Variants in PDGFC observed in about 807,000 individuals in gnomAD.
PDGFC encodes the protein platelet derived growth factor C.
PDGFC carries 12 observed loss-of-function variants against 35.5 expected under a neutral mutation model. That is an observed-to-expected ratio of 0.34 (90% CI 0.22 to 0.55). The LOEUF (loss-of-function observed/expected upper bound fraction) is 0.55, where lower values mean the gene tolerates loss of function less well. PDGFC is among the 20% of genes least tolerant of loss of function. The probability of loss-of-function intolerance (pLI) is 0.91; values close to 1 mark genes in which losing one functional copy is unlikely to be tolerated. For missense variants in PDGFC, 322 were observed against 412.4 expected (o/e 0.78, Z 1.90); for synonymous variants, 159 against 148.8 (o/e 1.07, Z -0.50).
At chr4:156,953,506 G>A (rs1156921876) in intron 1 of PDGFC, among the ~76,000 whole-genome samples, 2 of 151,778 alleles carry the variant, frequency 1.3e-5, no homozygotes, top group South Asian at 2.1e-4. Flanking sequence ...AGTGCATGAC[G>A]ATGTTACTAT....
At chr4:156,927,643 C>T (rs1731445886) in intron 1 of PDGFC, among the ~76,000 whole-genome samples, 1 of 152,142 alleles carries the variant, frequency 6.6e-6, no homozygotes. Context: ...TTCCTCATCT[C>T]CATCTGAGAC....
At chr4:156,876,736 C>T (rs1486465919) in intron 1 of PDGFC, 4 of 152,056 alleles carry the variant, frequency 2.6e-5, no homozygotes, top group Non-Finnish European at 5.9e-5. Context: ...CTGGTGAGAA[C>T]CTTGGAATCT....
At chr4:156,965,334 C>G (rs1732440162) in intron 1 of PDGFC, among the ~76,000 whole-genome samples, 3 of 152,054 alleles carry the variant, frequency 2.0e-5, no homozygotes, top group Admixed American at 2.0e-4. Context: ...TGCTGGAGTT[C>G]CTACAGGAAG....
chr4:156,931,441 T>A lies in PDGFC; in HGVS notation c.118+39345A>T, dbSNP rs1010602540. Among the ~76,000 whole-genome samples the A allele has an allele frequency of 2.0e-5, 3 of 152,218 alleles. No homozygotes were observed. In the South Asian group the frequency reaches 6.2e-4, roughly 32 times the overall value. Reference sequence around the variant, plus strand: ...TGCATTCACGTCTTCGGTTATTGCATGTGCTTTGGAACACTTGACAATCAC... The same window carrying A: ...TGCATTCACGTCTTCGGTTATTGCAAGTGCTTTGGAACACTTGACAATCAC... On this transcript the variant is annotated intron_variant, in intron 1 of 5. Transcript: ENST00000502773.
intron 1 of PDGFC, among the ~76,000 whole-genome samples, chr4:156,882,167 C>G (rs1428537967): frequency 2.6e-5 from 4 of 152,070 alleles, no homozygotes; most frequent in Non-Finnish European, 5.9e-5. Context: ...TATTCCGCAA[C>G]TAAAACAATA....
intron 3 of PDGFC, among the ~76,000 whole-genome samples, chr4:156,785,665 G>A (rs1019044531): frequency 2.0e-5 from 3 of 152,158 alleles, no homozygotes; most frequent in South Asian, 2.1e-4. Context: ...AGAGATGACC[G>A]ACTCTTCAAA....
At position 156,965,164 on chromosome 4, in the gene PDGFC, A is replaced by G. The variant is rs1732436357; in HGVS notation, c.118+5622T>C. Among the ~76,000 whole-genome samples, 3 of 152,324 alleles carry G rather than the reference A, an allele frequency of 2.0e-5. No individual in the cohort carries two copies. The South Asian group carries it at 6.2e-4, about 32-fold the overall frequency. On this transcript the variant is annotated intron_variant, in intron 1 of 5. Transcript: ENST00000502773. ...CATGAACAAGCTATCTTCCTATTTA[A>G]GAAGTCAAGTAGTGTGCAAGCTCCA...
At chr4:156,926,913 T>C (rs1382857969) in intron 1 of PDGFC, among the ~76,000 whole-genome samples, 1 of 152,178 alleles carries the variant, frequency 6.6e-6, no homozygotes, top group Non-Finnish European at 1.5e-5. Flanking sequence ...TCTTCCACAC[T>C]GCCCTAGCAG....
intron 1 of PDGFC, among the ~76,000 whole-genome samples, chr4:156,913,630 A>G (rs1731092412): frequency 6.6e-6 from 1 of 152,144 alleles, no homozygotes; most frequent in South Asian, 2.1e-4. Context: ...AGAATTCCTA[A>G]GACCCCAATA....
chr4:156,904,934 T>C (rs550507771), intron 1 of PDGFC, among the ~76,000 whole-genome samples: 1 of 152,256 alleles, frequency 6.6e-6, no homozygotes, highest in Non-Finnish European at 1.5e-5. Context: ...CAATAAATAT[T>C]TGCTCAATAC....
chr4:156,965,973 G>A (rs1161423866), intron 1 of PDGFC, among the ~76,000 whole-genome samples: 1 of 152,078 alleles, frequency 6.6e-6, no homozygotes, highest in East Asian at 1.9e-4. Flanking sequence ...ACCAGGCATT[G>A]GAATTTCTGC....
rs922734230 is a variant in PDGFC, at chr4:156,861,141, G to A, written c.119-10725C>T. ...GAAGTGGGAATGTAGACATTTTTGCGGTTTAAAGATTATTAGGAGTATGAG... is the reference window on the plus strand; with the variant it reads ...GAAGTGGGAATGTAGACATTTTTGCAGTTTAAAGATTATTAGGAGTATGAG... On this transcript the variant is annotated intron_variant, in intron 1 of 5. Coordinates refer to ENST00000502773, the MANE Select transcript of PDGFC (RefSeq NM_016205.3). Among the ~76,000 whole-genome samples, 8 of 152,154 alleles carry A rather than the reference G, an allele frequency of 5.3e-5. No individual in the cohort carries two copies. In the East Asian group the frequency reaches 5.8e-4, roughly 11 times the overall value.
intron 3 of PDGFC, among the ~76,000 whole-genome samples, chr4:156,806,163 GA>G (rs1441243372): frequency 6.6e-6 from 1 of 151,988 alleles, no homozygotes; most frequent in Non-Finnish European, 1.5e-5. Context: ...TAAAATCATA[GA>G]AGTGATAGAA....
At chr4:156,877,704 T>C (rs1320073227) in intron 1 of PDGFC, among the ~76,000 whole-genome samples, 1 of 152,178 alleles carries the variant, frequency 6.6e-6, no homozygotes, top group Non-Finnish European at 1.5e-5. Context: ...AATCTAAATG[T>C]GCAGACACTA....
intron 3 of PDGFC, among the ~76,000 whole-genome samples, chr4:156,788,630 T>G (rs1327504194): frequency 6.6e-6 from 1 of 152,202 alleles, no homozygotes; most frequent in Non-Finnish European, 1.5e-5. Flanking sequence ...GTTCAAAGTA[T>G]TAGCTTCAAG....
At chr4:156,788,968 G>A (rs1731204511) in intron 3 of PDGFC, among the ~76,000 whole-genome samples, 1 of 152,168 alleles carries the variant, frequency 6.6e-6, no homozygotes, top group Non-Finnish European at 1.5e-5. Context: ...GAAGTGGTTA[G>A]TTTGTTCTTG....
rs1732594378 is a variant in PDGFC at position 156,971,514 on chromosome 4, G to A, written c.-611C>T. On this transcript the variant is annotated 5_prime_UTR_variant, in exon 1 of 6. Transcript: ENST00000502773. The stretch of plus-strand genomic sequence containing the variant: ...GAGCGGGGCCGGGGGGCTCCGGGCC[G>A]ACGGCGGCCCGGGCGCAGGCGGAGA... The A allele has an allele frequency of 1.0e-5, 2 of 196,470 alleles. No homozygotes were observed. Among genetic ancestry groups the A allele is most frequent in the Non-Finnish European group, 2.0e-5 (2 of 98,848 alleles). 12.2% of individuals were successfully genotyped at this position (196,470 alleles called of 1,614,324 possible).
intron 1 of PDGFC, among the ~76,000 whole-genome samples, chr4:156,897,851 C>T (rs1341739235): frequency 6.6e-6 from 1 of 152,160 alleles, no homozygotes; most frequent in Non-Finnish European, 1.5e-5. Context: ...ACATAAGTAA[C>T]TAATGATGGT....
chr4:156,804,147 T>C (rs999320675), intron 3 of PDGFC, among the ~76,000 whole-genome samples: 3 of 152,068 alleles, frequency 2.0e-5, no homozygotes, highest in Non-Finnish European at 4.4e-5. Context: ...TCATATAAAA[T>C]TCATTTGTTT....
Sources: allele counts gnomAD v4.1 joint callset (sites outside exome capture counted in the v4.1 genomes callset), GRCh38; gene constraint gnomAD v4.1.1; transcripts MANE v1.5; gene names NCBI Gene and HGNC (gene_info 2026-07-23, HGNC 2026-07-21).